AP3B1: variants seen among roughly 807,000 people sequenced by gnomAD.
AP3B1 encodes adaptor related protein complex 3 subunit beta 1.
In AP3B1, 61 loss-of-function variants were observed where a neutral mutation model predicts 132.5. The observed-to-expected ratio is 0.46, with a 90% CI of 0.37 to 0.57. The LOEUF is 0.57. Among genes scored for constraint, AP3B1 ranks in the 20% least tolerant of loss-of-function variants. AP3B1 has a pLI of 0.00. For missense variants in AP3B1, 1,120 were observed against 1,289.4 expected, an observed-to-expected ratio of 0.87 and a Z score of 2.01; for synonymous variants, 388 against 438.3, an observed-to-expected ratio of 0.89 and a Z score of 1.43.
chr5:78,115,643 T>C (rs2112264125), intron 18 of AP3B1, among the ~76,000 whole-genome samples: 1 of 152,324 alleles, frequency 6.6e-6, no homozygotes, highest in East Asian at 1.9e-4. Flanking sequence ...AACCTTTAGT[T>C]TGATTTTTTT....
chr5:78,033,066 T>C (rs1747646626), intron 24 of AP3B1, among the ~76,000 whole-genome samples: 1 of 152,096 alleles, frequency 6.6e-6, no homozygotes, highest in Non-Finnish European at 1.5e-5. Flanking sequence ...TACAAATTGA[T>C]AAGAAAAAGG....
At chr5:78,025,070 A>G (rs1297324534) in intron 24 of AP3B1, among the ~76,000 whole-genome samples, 1 of 152,158 alleles carries the variant, frequency 6.6e-6, no homozygotes, top group East Asian at 1.9e-4. Flanking sequence ...ATATATATAC[A>G]CACACATATA....
chr5:78,128,289 C>T, intron 16 of AP3B1, 129 bp from the exon 17 acceptor site: 1 of 842,072 alleles, frequency 1.2e-6, no homozygotes, highest in South Asian at 1.6e-5. Context: ...GACTAGGAAG[C>T]TCTTCATAGG....
chr5:78,034,856 AT>A lies in AP3B1; in HGVS notation c.2810-412del, dbSNP rs1269711969. Among the ~76,000 whole-genome samples the A allele has an allele frequency of 2.0e-5, 3 of 151,974 alleles. No individual in the cohort carries two copies. The East Asian group carries it at 5.8e-4, about 29-fold the overall frequency. On this transcript the variant is annotated intron_variant, in intron 23 of 26. Coordinates refer to ENST00000255194, the MANE Select transcript of AP3B1 (RefSeq NM_003664.5). Reference sequence around the variant, plus strand: ...AAACTATGGCATGTTTATTCTAGATATAAAAAGTAAATTTTAAACAATGTCC... The same window carrying A: ...AAACTATGGCATGTTTATTCTAGATAAAAAAGTAAATTTTAAACAATGTCC...
intron 7 of AP3B1, among the ~76,000 whole-genome samples, chr5:78,196,953 TTATCA>T (rs1745099025): frequency 6.6e-6 from 1 of 152,186 alleles, no homozygotes. Flanking sequence ...TGTATTCATG[TTATCA>T]TATATCAGAC....
chr5:78,143,501 G>A (rs761897513), intron 14 of AP3B1, among the ~76,000 whole-genome samples: 5 of 152,032 alleles, frequency 3.3e-5, no homozygotes, highest in Non-Finnish European at 7.4e-5. Context: ...CCAAACTTTT[G>A]GTGATGGCAT....
At chr5:78,097,859 T>C (rs951433304) in intron 21 of AP3B1, among the ~76,000 whole-genome samples, 10 of 152,200 alleles carry the variant, frequency 6.6e-5, no homozygotes, top group East Asian at 1.9e-4. Flanking sequence ...GGGGAAAAGA[T>C]TGAGAAATCG....
chr5:78,199,988 CAAGT>C (rs1745226168), intron 7 of AP3B1, among the ~76,000 whole-genome samples: 2 of 151,988 alleles, frequency 1.3e-5, no homozygotes, highest in South Asian at 4.2e-4. Context: ...ATCATATAAA[CAAGT>C]TATTTTTTAA....
rs1489074812 is a variant in AP3B1 at position 78,118,360 on chromosome 5, C to T, written c.1969-2126G>A. On this transcript the variant is annotated intron_variant, in intron 17 of 26. Transcript: ENST00000255194. ...TGGGTGCAGCGCACTGTGCGCAAGC[C>T]GGAGCAGGATGAGGCATTGCCTCAC... Among the ~76,000 whole-genome samples the T allele has an allele frequency of 4.6e-5, 7 of 152,128 alleles. No homozygotes were observed. In the East Asian group the frequency reaches 5.8e-4, roughly 13 times the overall value.
intron 25 of AP3B1, among the ~76,000 whole-genome samples, chr5:78,017,099 T>C (rs1032631348): frequency 6.6e-6 from 1 of 152,094 alleles, no homozygotes; most frequent in African/African-American, 2.4e-5. Flanking sequence ...AGTGAATGCA[T>C]TGCTTCATAT....
chr5:78,117,066 G>C (rs1240162229), intron 17 of AP3B1, among the ~76,000 whole-genome samples: 2 of 151,678 alleles, frequency 1.3e-5, no homozygotes, highest in East Asian at 3.9e-4. Context: ...CCTCTTGCCT[G>C]ATCTGCTCTG....
At chr5:78,264,997 T>G (rs563695781) in intron 2 of AP3B1, among the ~76,000 whole-genome samples, 1 of 152,380 alleles carries the variant, frequency 6.6e-6, no homozygotes, top group South Asian at 2.1e-4. Context: ...TTAAGGTAAT[T>G]TATTTCACTA....
chr5:78,276,699 C>T (rs1367327384), intron 1 of AP3B1, among the ~76,000 whole-genome samples: 1 of 151,428 alleles, frequency 6.6e-6, no homozygotes. Flanking sequence ...AAGACCCTTT[C>T]ACCACAAAAA....
At chr5:78,001,616 ACT>A (rs1329580219), downstream of AP3B1, 1 of 151,862 alleles carries the variant, frequency 6.6e-6, no homozygotes, top group African/African-American at 2.4e-5. Context: ...TAATTTTTCG[ACT>A]CTGTTTTGTT....
At chr5:78,249,365 AAAAAAT>A (rs1212802346) in intron 2 of AP3B1, among the ~76,000 whole-genome samples, 6 of 152,194 alleles carry the variant, frequency 3.9e-5, no homozygotes, top group African/African-American at 7.2e-5. Context: ...ACTCCGTCTC[AAAAAAT>A]AAAAATAAAA....
chr5:78,082,108 T>C (rs1750036161), intron 22 of AP3B1, among the ~76,000 whole-genome samples: 1 of 152,192 alleles, frequency 6.6e-6, no homozygotes, highest in Admixed American at 6.5e-5. Context: ...TTTGTTTCAC[T>C]GAGTCGCTTT....
chr5:78,076,110 TA>T (rs1168868764), intron 22 of AP3B1, among the ~76,000 whole-genome samples: 3 of 152,212 alleles, frequency 2.0e-5, no homozygotes, highest in Non-Finnish European at 4.4e-5. Flanking sequence ...TTTATGTTCA[TA>T]ACCAGAGAAA....
chr5:78,038,323 T>C (rs1747892161), intron 23 of AP3B1, among the ~76,000 whole-genome samples: 1 of 152,200 alleles, frequency 6.6e-6, no homozygotes, highest in African/African-American at 2.4e-5. Context: ...ATTCTATACA[T>C]GGAGAGGAAG....
At chr5:78,292,507 T>C (rs1012612758) in intron 1 of AP3B1, among the ~76,000 whole-genome samples, 7 of 152,198 alleles carry the variant, frequency 4.6e-5, no homozygotes, top group African/African-American at 1.7e-4. Context: ...TTAGAGCCCC[T>C]GAGTTCAAAT....
Sources: allele counts gnomAD v4.1 joint callset (sites outside exome capture counted in the v4.1 genomes callset), GRCh38; gene constraint gnomAD v4.1.1; transcripts MANE v1.5; gene names NCBI Gene and HGNC (gene_info 2026-07-23, HGNC 2026-07-21).